Variants in BCAS3 observed in about 807,000 individuals in gnomAD.
BCAS3 encodes BCAS3 microtubule associated cell migration factor.
Under a neutral mutation model 116.1 loss-of-function variants are expected in BCAS3, and 53 were observed. That is an observed-to-expected ratio of 0.46 (90% CI 0.37 to 0.57). The LOEUF (loss-of-function observed/expected upper bound fraction) is 0.57, where lower values mean the gene tolerates loss of function less well. Among genes scored for constraint, BCAS3 ranks in the 20% least tolerant of loss-of-function variants. The probability of loss-of-function intolerance (pLI) is 0.00; values close to 1 mark genes in which losing one functional copy is unlikely to be tolerated. For missense variants in BCAS3, 917 were observed against 1,165.4 expected (o/e 0.79, Z 3.10); for synonymous variants, 391 against 408.2 (o/e 0.96, Z 0.51).
chr17:60,763,838 G>A (rs893948629), intron 6 of BCAS3, among the ~76,000 whole-genome samples: 12 of 152,044 alleles, frequency 7.9e-5, no homozygotes, highest in African/African-American at 2.7e-4. Flanking sequence ...GACTTTTTTT[G>A]GTTGGTAGGC....
rs773249025 is a variant in BCAS3, at chr17:61,362,528, G to A, written c.2426-5799G>A. Among the ~76,000 whole-genome samples, 7 of 152,164 alleles carry A rather than the reference G, an allele frequency of 4.6e-5. No individual in the cohort carries two copies. The highest frequency in any genetic ancestry group is 8.8e-5 in the Non-Finnish European group (6 of 68,012). ...TCCTACCTGTCCCCCTCCACCTGCAGTCACTAGGCTTCCTTGCCTCTTTAA... is the reference window on the plus strand; with the variant it reads ...TCCTACCTGTCCCCCTCCACCTGCAATCACTAGGCTTCCTTGCCTCTTTAA... On this transcript the variant is annotated intron_variant, in intron 22 of 23. Transcript: ENST00000407086. This position sits in a 1 kb window ranked among gnomAD's most constrained non-coding sequence, Gnocchi z 4.4.
At chr17:60,800,887 G>A (rs1299932869) in intron 6 of BCAS3, among the ~76,000 whole-genome samples, 1 of 151,920 alleles carries the variant, frequency 6.6e-6, no homozygotes, top group East Asian at 1.9e-4. Context: ...TATTTGTGTG[G>A]TCTATTTCTG....
intron 9 of BCAS3, among the ~76,000 whole-genome samples, chr17:60,876,292 T>TA (rs991250121): frequency 2.6e-5 from 4 of 152,100 alleles, no homozygotes; most frequent in African/African-American, 9.6e-5. Flanking sequence ...CCATTTAATT[T>TA]GAACCTCTCA....
chr17:61,174,550 T>A (rs2079031052), intron 22 of BCAS3, among the ~76,000 whole-genome samples: 1 of 152,232 alleles, frequency 6.6e-6, no homozygotes, highest in Non-Finnish European at 1.5e-5. Flanking sequence ...ACATTTTCAT[T>A]TATCTGTTGA....
intron 22 of BCAS3, among the ~76,000 whole-genome samples, chr17:61,138,231 T>C (rs536587349): frequency 1.3e-5 from 2 of 152,338 alleles, no homozygotes; most frequent in Non-Finnish European, 1.5e-5. Flanking sequence ...TTTAATTGAT[T>C]TAAATTTAAA....
chr17:61,149,218 C>T (rs1044680488), intron 22 of BCAS3, among the ~76,000 whole-genome samples: 27 of 152,086 alleles, frequency 1.8e-4, no homozygotes, highest in Admixed American at 1.3e-4. Context: ...TGAACTTAGA[C>T]GCCTTGAGGA....
At chr17:60,911,119 C>CTTTTTTTTTTTTTTTTT (rs1567849303) in intron 12 of BCAS3, among the ~76,000 whole-genome samples, 29 of 35,276 alleles carry the variant, frequency 8.2e-4, no homozygotes, top group African/African-American at 2.4e-3. Flanking sequence ...TTCTTTTTTT[C>CTTTTTTTTTTTTTTTTT]TTTCTTTTTT....
chr17:60,730,871 T>A (rs2040389622), intron 5 of BCAS3, among the ~76,000 whole-genome samples: 1 of 152,160 alleles, frequency 6.6e-6, no homozygotes, highest in Admixed American at 6.5e-5. Flanking sequence ...AAATATATTA[T>A]CAAATTGGCT....
intron 19 of BCAS3, among the ~76,000 whole-genome samples, chr17:61,067,741 ATAT>A (rs1301997282): frequency 1.0e-4 from 12 of 114,860 alleles, no homozygotes; most frequent in African/African-American, 5.4e-4. Flanking sequence ...AAAAAAAAAA[ATAT>A]ATATATATAT....
chr17:61,181,115 A>G lies in BCAS3; in HGVS notation c.2425+96551A>G, dbSNP rs148941120. 7.6e-4 allele frequency among the ~76,000 whole-genome samples: 116 copies of G among 152,222 alleles called. No individual in the cohort carries two copies. The highest frequency in any genetic ancestry group is 2.7e-3 in the African/African-American group (111 of 41,542). On this transcript the variant is annotated intron_variant, in intron 22 of 23. Coordinates refer to ENST00000407086, the MANE Select transcript of BCAS3 (RefSeq NM_017679.5). The surrounding 1 kb of genome is among the most constrained non-coding windows in gnomAD (Gnocchi z 5.0). ...GTGGCACACGCCTGTAGTCTCAGCT[A>G]CTCAGGAGCTGGGAGGATCACTTGA...
At chr17:60,775,075 T>G (rs1253008288) in intron 6 of BCAS3, among the ~76,000 whole-genome samples, 1 of 152,166 alleles carries the variant, frequency 6.6e-6, no homozygotes, top group Non-Finnish European at 1.5e-5. Context: ...AAGAAAAAAA[T>G]AAATTTCAAA....
At chr17:61,386,482 A>G (rs4968558) in intron 23 of BCAS3, among the ~76,000 whole-genome samples, 129,633 of 152,292 alleles carry the variant, frequency 0.85, 55,244 homozygotes, top group East Asian at 0.94. Context: ...TGCTCTGCCA[A>G]TCCCTTCAGT....
rs140053094 is a variant in BCAS3 at position 61,307,799 on chromosome 17, T to G, written c.2426-60528T>G. ...TATTTAATTCATACTTTTAATTCATTTTTTTGTAATACCTTCTGTTAGACA... is the reference window on the plus strand; with the variant it reads ...TATTTAATTCATACTTTTAATTCATGTTTTTGTAATACCTTCTGTTAGACA... On this transcript the variant is annotated intron_variant, in intron 22 of 23. Transcript: ENST00000407086. This position sits in a 1 kb window ranked among gnomAD's most constrained non-coding sequence, Gnocchi z 4.7. 1.5e-3 allele frequency among the ~76,000 whole-genome samples: 230 copies of G among 152,354 alleles called. No homozygotes were observed. The highest frequency in any genetic ancestry group is 5.4e-3 in the African/African-American group (224 of 41,588).
chr17:60,939,857 A>G (rs972986346), intron 13 of BCAS3, among the ~76,000 whole-genome samples: 1 of 152,238 alleles, frequency 6.6e-6, no homozygotes, highest in Non-Finnish European at 1.5e-5. Flanking sequence ...GCAATGGACA[A>G]ATATTCTCAA....
At position 60,731,060 on chromosome 17, in the gene BCAS3, A is replaced by G. The variant is rs150039665; in HGVS notation, c.322-16138A>G. ...TTTACGTTTTTACAATTTCTCCCTAATTAAAAGTAAATTGTTATTAATTTT... is the reference window on the plus strand; with the variant it reads ...TTTACGTTTTTACAATTTCTCCCTAGTTAAAAGTAAATTGTTATTAATTTT... On this transcript the variant is annotated intron_variant, in intron 5 of 23. Transcript: ENST00000407086. 5.5e-3 allele frequency among the ~76,000 whole-genome samples: 838 copies of G among 151,700 alleles called. 44 individuals are homozygous for G. Among genetic ancestry groups the G allele is most frequent in the Admixed American group, 0.052 (789 of 15,268 alleles).
intron 7 of BCAS3, among the ~76,000 whole-genome samples, chr17:60,814,681 G>A (rs1435612376): frequency 3.9e-5 from 6 of 152,152 alleles, no homozygotes; most frequent in East Asian, 3.9e-4. Flanking sequence ...TACGTTTGAC[G>A]TATACCATTT....
rs1267810039 is a variant in BCAS3, at chr17:61,249,823, T to C, written c.2426-118504T>C. On this transcript the variant is annotated intron_variant, in intron 22 of 23. Coordinates refer to ENST00000407086, the MANE Select transcript of BCAS3 (RefSeq NM_017679.5). This position sits in a 1 kb window ranked among gnomAD's most constrained non-coding sequence, Gnocchi z 6.2. ...AAAAGGGAAAAAACTTTCTGTTATC[T>C]ACCTGATAGACCCATGGAATACAAA... is the stretch of plus-strand genomic sequence containing the variant. 2.6e-5 allele frequency among the ~76,000 whole-genome samples: 4 copies of C among 152,306 alleles called. No individual in the cohort carries two copies. Among genetic ancestry groups the C allele is most frequent in the Middle Eastern group, 3.4e-3 (1 of 294 alleles).
intron 6 of BCAS3, among the ~76,000 whole-genome samples, chr17:60,769,971 C>T (rs2144407704): frequency 6.6e-6 from 1 of 151,990 alleles, no homozygotes; most frequent in South Asian, 2.1e-4. Flanking sequence ...GACAGGGTTT[C>T]ACCATGTTGG....
chr17:60,746,836 TATA>T (rs1165293573), intron 5 of BCAS3, among the ~76,000 whole-genome samples: 1 of 152,190 alleles, frequency 6.6e-6, no homozygotes, highest in Non-Finnish European at 1.5e-5. Context: ...TTAAAGTTGC[TATA>T]ATATTTAAGG....
Sources: allele counts gnomAD v4.1 joint callset (sites outside exome capture counted in the v4.1 genomes callset), GRCh38; gene constraint gnomAD v4.1.1; non-coding constraint Gnocchi (gnomAD v3.1); transcripts MANE v1.5; gene names NCBI Gene and HGNC (gene_info 2026-07-23, HGNC 2026-07-21).